FRAS1: variants seen among roughly 807,000 people sequenced by gnomAD.
FRAS1 encodes the protein Fraser extracellular matrix complex subunit 1.
A neutral mutation model predicts 435.2 loss-of-function variants in FRAS1; 290 were observed. The ratio of observed to expected loss-of-function variants is 0.67; its 90% CI spans 0.61 to 0.73. FRAS1 has a LOEUF of 0.73. Among genes scored for constraint, FRAS1 ranks in the 30% least tolerant of loss-of-function variants. The pLI is 0.00. For missense variants in FRAS1, 4,860 were observed against 5,001.5 expected (o/e 0.97, Z 0.85); for synonymous variants, 1,800 against 1,851.0 (o/e 0.97, Z 0.71).
intron 15 of FRAS1, among the ~76,000 whole-genome samples, chr4:78,312,859 AAGAG>A (rs61199249): frequency 1.0e-3 from 123 of 121,798 alleles, no homozygotes; most frequent in Middle Eastern, 8.3e-3. Flanking sequence ...GAAAGAAAGA[AAGAG>A]AGAGAGAGAG....
chr4:78,189,570 A>G (rs1012136950), intron 2 of FRAS1, among the ~76,000 whole-genome samples: 5 of 152,136 alleles, frequency 3.3e-5, no homozygotes, highest in African/African-American at 1.2e-4. Context: ...TTAAAAGTTG[A>G]TGTGTCCCAA....
intron 2 of FRAS1, among the ~76,000 whole-genome samples, chr4:78,087,724 C>A (rs1206661659): frequency 6.6e-6 from 1 of 151,848 alleles, no homozygotes; most frequent in East Asian, 1.9e-4. Flanking sequence ...ACAAGGGGCG[C>A]GAAGGACCTC....
chr4:78,384,586 TCTG>T (rs1175908271), intron 28 of FRAS1, among the ~76,000 whole-genome samples: 1 of 152,146 alleles, frequency 6.6e-6, no homozygotes, highest in African/African-American at 2.4e-5. Context: ...CTATACTAAA[TCTG>T]CTACCAGCCC....
At chr4:78,058,224 G>A in intron 1 of FRAS1, 139 bp downstream of exon 1, 1 of 680,496 alleles carries the variant, frequency 1.5e-6, no homozygotes, top group Non-Finnish European at 2.4e-6. Context: ...GAAGGGTGAG[G>A]TGGAAGTGAA....
intron 2 of FRAS1, among the ~76,000 whole-genome samples, chr4:78,219,561 C>T (rs1036054204): frequency 6.6e-6 from 1 of 152,118 alleles, no homozygotes; most frequent in African/African-American, 2.4e-5. Flanking sequence ...AAAAGAGCCA[C>T]CTGCCAGACC....
At chr4:78,145,970 TAA>T (rs1184188577) in intron 2 of FRAS1, among the ~76,000 whole-genome samples, 3 of 152,136 alleles carry the variant, frequency 2.0e-5, no homozygotes, top group African/African-American at 7.2e-5. Flanking sequence ...CCATAATTGT[TAA>T]GTTTCCTGAG....
intron 2 of FRAS1, among the ~76,000 whole-genome samples, chr4:78,185,473 T>G (rs2110057175): frequency 6.6e-6 from 1 of 152,326 alleles, no homozygotes; most frequent in South Asian, 2.1e-4. Flanking sequence ...CACGGGATTG[T>G]TTTTCACTTT....
At chr4:78,307,410 C>G (rs1265547581) in intron 14 of FRAS1, among the ~76,000 whole-genome samples, 1 of 152,230 alleles carries the variant, frequency 6.6e-6, no homozygotes, top group Non-Finnish European at 1.5e-5. Flanking sequence ...AGCTTCCTGG[C>G]TGCTTTGTTT....
intron 2 of FRAS1, among the ~76,000 whole-genome samples, chr4:78,210,165 C>T (rs1434228775): frequency 1.3e-5 from 2 of 152,162 alleles, no homozygotes; most frequent in Non-Finnish European, 2.9e-5. Context: ...CTGCTTCTCC[C>T]TCCTTCCCCC....
intron 2 of FRAS1, among the ~76,000 whole-genome samples, chr4:78,137,022 C>G (rs767284737): frequency 3.3e-5 from 5 of 152,212 alleles, no homozygotes; most frequent in Non-Finnish European, 5.9e-5. Flanking sequence ...ACTGCACCAT[C>G]TGAAACAAAT....
rs1028974997 is a variant in FRAS1 at position 78,255,248 on chromosome 4, G to T, written c.476G>T (p.Cys159Phe). The stretch of plus-strand genomic sequence containing the variant: ...TGTTTCTTTGACCTTCCAGAACCCT[G>T]TTCCTATGAAGGCCATGTGTTTCAG... ...CPVCVGLGKP[C>F]SYEGHVFQDG... Residue 159 changes from cysteine (C) to phenylalanine (F), a missense_variant, in exon 6 of 74, where the codon TGT becomes TTT. By Grantham distance (205) the Cys-to-Phe change is radical. Transcript: ENST00000512123. 2 of 1,551,958 alleles carry T rather than the reference G, an allele frequency of 1.3e-6. No individual in the cohort carries two copies. The highest frequency in any genetic ancestry group is 1.7e-6 in the Non-Finnish European group (2 of 1,147,108).
intron 16 of FRAS1, among the ~76,000 whole-genome samples, 166 bp downstream of exon 16, chr4:78,315,900 G>C (rs1316080661): frequency 1.3e-5 from 2 of 152,206 alleles, no homozygotes. Context: ...TGATATGGGA[G>C]TGGGAGATAT....
intron 14 of FRAS1, among the ~76,000 whole-genome samples, chr4:78,301,599 G>GCT: frequency 6.6e-6 from 1 of 152,304 alleles, no homozygotes; most frequent in Non-Finnish European, 1.5e-5. Context: ...CTAGAGTCCA[G>GCT]GGAATCCCTC....
At chr4:78,306,073 C>A (rs1728697189) in intron 14 of FRAS1, among the ~76,000 whole-genome samples, 1 of 151,954 alleles carries the variant, frequency 6.6e-6, no homozygotes, top group African/African-American at 2.4e-5. Flanking sequence ...GACAAAATCT[C>A]TCAGCATTTG....
At chr4:78,384,797 C>G (rs563173380) in intron 28 of FRAS1, among the ~76,000 whole-genome samples, 2 of 149,978 alleles carry the variant, frequency 1.3e-5, no homozygotes, top group African/African-American at 4.9e-5. Context: ...GTCCCAGCTA[C>G]TTGGGGAGCT....
intron 18 of FRAS1, among the ~76,000 whole-genome samples, chr4:78,324,731 T>TC (rs1729650900): frequency 8.4e-6 from 1 of 119,354 alleles, no homozygotes; most frequent in South Asian, 2.8e-4. Flanking sequence ...TTTTTTTTTT[T>TC]CTGCATGTCA....
Position 78,395,892 on chromosome 4 carries a change from G to A in FRAS1, c.3976-4842G>A, listed in dbSNP as rs187843120. Among the ~76,000 whole-genome samples the A allele has an allele frequency of 3.3e-3, 506 of 151,910 alleles. 5 individuals carry two copies. The highest frequency in any genetic ancestry group is 0.012 in the African/African-American group (488 of 41,488). On this transcript the variant is annotated intron_variant, in intron 29 of 73. Coordinates refer to ENST00000512123, the MANE Select transcript of FRAS1 (RefSeq NM_025074.7). ...GTAAGAACTTACCTATTGCCATTTC[G>A]TTGTTTTCTGACTGTTTTGTAGTTC...
At chr4:78,395,589 T>C (rs1476568336) in intron 29 of FRAS1, among the ~76,000 whole-genome samples, 1 of 152,064 alleles carries the variant, frequency 6.6e-6, no homozygotes, top group African/African-American at 2.4e-5. Context: ...GCTAGATGGA[T>C]TAACCTCTCA....
intron 2 of FRAS1, among the ~76,000 whole-genome samples, chr4:78,215,879 C>A (rs912656293): frequency 6.6e-6 from 1 of 152,188 alleles, no homozygotes. Flanking sequence ...TTGCTTCCAC[C>A]TTTTGGCTAT....
Sources: allele counts gnomAD v4.1 joint callset (sites outside exome capture counted in the v4.1 genomes callset), GRCh38; gene constraint gnomAD v4.1.1; transcripts MANE v1.5; gene names NCBI Gene and HGNC (gene_info 2026-07-23, HGNC 2026-07-21).